PNKD: variants seen among roughly 807,000 people sequenced by gnomAD.
PNKD encodes probable thioesterase PNKD.
PNKD carries 36 observed loss-of-function variants against 45.3 expected under a neutral mutation model. The ratio of observed to expected loss-of-function variants is 0.80; its 90% CI spans 0.61 to 1.05. The LOEUF is 1.05. PNKD is among the 50% of genes least tolerant of loss of function. The probability of loss-of-function intolerance (pLI) is 0.00; values close to 1 mark genes in which losing one functional copy is unlikely to be tolerated. For missense variants in PNKD, 511 were observed against 506.6 expected, an observed-to-expected ratio of 1.01 and a Z score of -0.08; for synonymous variants, 197 against 210.1, an observed-to-expected ratio of 0.94 and a Z score of 0.54.
chr2:218,343,399 C>T lies in PNKD; in HGVS notation c.782-101C>T, dbSNP rs992733357. ...AAAGTGCACAGTCAGGGCTGACGGC[C>T]AGCCAGAGCATTACAAGCTGGTTCC... On this transcript the variant is annotated intron_variant, in intron 7 of 9. Coordinates refer to ENST00000273077, the MANE Select transcript of PNKD (RefSeq NM_015488.5). 2.0e-5 allele frequency: 19 copies of T among 939,548 alleles called. No homozygotes were observed. In the African/African-American group the frequency reaches 3.1e-4, roughly 15 times the overall value. The allele number at this position is 939,548 out of a possible 1,614,324, so 58.2% of individuals were successfully genotyped here. A position where few individuals can be genotyped will look rare whatever the true frequency, so the allele number is the denominator to read the frequency against.
rs141675713 is a variant in PNKD, at chr2:218,338,003, T to C, written c.237-1780T>C. ...CTCTATTAAAAATACAAAAATTAGC[T>C]GGGTGTGGTGGTGCACGCCTCTAGT... is the stretch of plus-strand genomic sequence containing the variant. On this transcript the variant is annotated intron_variant, in intron 2 of 9. Transcript: ENST00000273077. Among the ~76,000 whole-genome samples the C allele has an allele frequency of 8.2e-3, 1,251 of 152,108 alleles. 21 individuals carry two copies. Among genetic ancestry groups the C allele is most frequent in the African/African-American group, 0.029 (1,202 of 41,472 alleles).
chr2:218,322,402 G>A (rs942318969), intron 2 of PNKD, among the ~76,000 whole-genome samples: 6 of 152,314 alleles, frequency 3.9e-5, no homozygotes, highest in South Asian at 2.1e-4. Flanking sequence ...CCATCAGGAG[G>A]GCAGCAGTGA....
At chr2:218,338,879 C>T (rs1694582750) in intron 2 of PNKD, among the ~76,000 whole-genome samples, 1 of 150,566 alleles carries the variant, frequency 6.6e-6, no homozygotes, top group African/African-American at 2.4e-5. Flanking sequence ...TGCAGCTTCA[C>T]CCTCCCGGGC....
intron 2 of PNKD, among the ~76,000 whole-genome samples, chr2:218,301,387 T>C (rs922038320): frequency 6.6e-6 from 1 of 152,170 alleles, no homozygotes; most frequent in Non-Finnish European, 1.5e-5. Flanking sequence ...CCATTTACTT[T>C]TAACAAGTCA....
In PNKD at chr2:218,283,619, G is replaced by C. The variant is rs562093539; in HGVS notation, c.236+12070G>C. On this transcript the variant is annotated intron_variant, in intron 2 of 9. Coordinates refer to ENST00000273077, the MANE Select transcript of PNKD (RefSeq NM_015488.5). The stretch of plus-strand genomic sequence containing the variant: ...CAGCAGACACCAGAGGCTCTCAGAG[G>C]CTCTGCTGGAAGCAAGAGAGACCAG... Among the ~76,000 whole-genome samples, 5 of 152,336 alleles carry C rather than the reference G, an allele frequency of 3.3e-5. No homozygotes were observed. In the South Asian group the frequency reaches 6.2e-4, roughly 19 times the overall value.
chr2:218,289,219 T>C (rs143100920), intron 2 of PNKD, among the ~76,000 whole-genome samples: 9 of 147,852 alleles, frequency 6.1e-5, no homozygotes, highest in South Asian at 2.2e-4. Flanking sequence ...CTGCGGAAAG[T>C]TGATCTGAAG....
At chr2:218,310,440 T>G (rs1574685163) in intron 2 of PNKD, among the ~76,000 whole-genome samples, 1 of 151,886 alleles carries the variant, frequency 6.6e-6, no homozygotes. Flanking sequence ...GCCAGGCTGG[T>G]CTCGAACTCC....
intron 2 of PNKD, among the ~76,000 whole-genome samples, chr2:218,324,889 C>T (rs1272485033): frequency 2.7e-5 from 4 of 150,284 alleles, no homozygotes; most frequent in Non-Finnish European, 4.4e-5. Flanking sequence ...AAGCCGAGAT[C>T]GCAGCCATTG....
At chr2:218,273,034 G>GTGT in intron 2 of PNKD, 1 of 984,892 alleles carries the variant, frequency 1.0e-6, no homozygotes, top group South Asian at 1.7e-5. Flanking sequence ...ACAGAGCTCA[G>GTGT]TGTTCCCAGC....
chr2:218,297,451 G>A (rs1057103809), intron 2 of PNKD, among the ~76,000 whole-genome samples: 1 of 152,146 alleles, frequency 6.6e-6, no homozygotes, highest in Admixed American at 6.5e-5. Context: ...TGGGAGGTCA[G>A]GGGGTGGATC....
intron 2 of PNKD, chr2:218,292,573 G>C (rs1693013434): frequency 6.6e-6 from 1 of 151,940 alleles, no homozygotes; most frequent in African/African-American, 2.4e-5. Flanking sequence ...CGTCGCGCCG[G>C]CCTCGTGGGG....
At chr2:218,337,070 G>T (rs1327574144) in intron 2 of PNKD, among the ~76,000 whole-genome samples, 2 of 151,210 alleles carry the variant, frequency 1.3e-5, no homozygotes, top group Non-Finnish European at 2.9e-5. Context: ...AAAGAGCTGG[G>T]ATTACAGGTG....
chr2:218,311,728 G>C (rs930519518), intron 2 of PNKD, among the ~76,000 whole-genome samples: 3 of 151,886 alleles, frequency 2.0e-5, no homozygotes, highest in Non-Finnish European at 4.4e-5. Flanking sequence ...TCCCAGGGAA[G>C]AGCAGGAGAC....
chr2:218,277,527 A>G, intron 2 of PNKD: 1 of 1,606,654 alleles, frequency 6.2e-7, no homozygotes, highest in South Asian at 1.1e-5. Flanking sequence ...CCACTTCCAG[A>G]GGGGACCTGC....
intron 2 of PNKD, among the ~76,000 whole-genome samples, chr2:218,315,019 T>TTTCTTTCTTA (rs1491478292): frequency 5.3e-4 from 1 of 1,882 alleles, no homozygotes; most frequent in Non-Finnish European, 1.8e-3. Context: ...TCTTTTTCTT[T>TTTCTTTCTTA]CTTTCTTTCT....
intron 2 of PNKD, among the ~76,000 whole-genome samples, chr2:218,324,337 G>T (rs1694082172): frequency 6.6e-6 from 1 of 152,224 alleles, no homozygotes; most frequent in African/African-American, 2.4e-5. Context: ...CCAGGTTGTG[G>T]GGAGAGCCTA....
chr2:218,333,597 G>A (rs1321910632), intron 2 of PNKD, among the ~76,000 whole-genome samples: 3 of 152,170 alleles, frequency 2.0e-5, no homozygotes, highest in Non-Finnish European at 4.4e-5. Context: ...GCATTGCCAT[G>A]TTATAGATGA....
chr2:218,281,278 G>A (rs1260959260), intron 2 of PNKD, among the ~76,000 whole-genome samples: 1 of 151,760 alleles, frequency 6.6e-6, no homozygotes, highest in Non-Finnish European at 1.5e-5. Context: ...TGGGATTACA[G>A]GTGCACGCCA....
At chr2:218,291,095 G>A (rs1692900445) in intron 2 of PNKD, among the ~76,000 whole-genome samples, 1 of 152,188 alleles carries the variant, frequency 6.6e-6, no homozygotes, top group Admixed American at 6.5e-5. Flanking sequence ...ATTCCCAGGG[G>A]AGGAGGCTGA....
Sources: allele counts gnomAD v4.1 joint callset (sites outside exome capture counted in the v4.1 genomes callset), GRCh38; gene constraint gnomAD v4.1.1; transcripts MANE v1.5; gene names NCBI Gene and HGNC (gene_info 2026-07-23, HGNC 2026-07-21).